PEX7: variants seen among roughly 807,000 people sequenced by gnomAD.
The protein encoded by PEX7 is PTS2 receptor.
Under a neutral mutation model 47.5 loss-of-function variants are expected in PEX7, and 34 were observed. That is an observed-to-expected ratio of 0.72 (90% CI 0.54 to 0.95). PEX7 has a LOEUF of 0.95. Among genes scored for constraint, PEX7 ranks in the 40% least tolerant of loss-of-function variants. PEX7 has a pLI of 0.00. For missense variants in PEX7, 394 were observed against 400.3 expected (o/e 0.98, Z 0.13); for synonymous variants, 141 against 148.8 (o/e 0.95, Z 0.38).
Position 136,900,466 on chromosome 6 carries a change from C to T in PEX7, c.903+2225C>T, listed in dbSNP as rs958012101. On this transcript the variant is annotated intron_variant, in intron 9 of 9. Transcript: ENST00000318471. This position sits in a 1 kb window ranked among gnomAD's most constrained non-coding sequence, Gnocchi z 4.2. ...AGACTTGGGACCAAGGACATTGCCC[C>T]CCCAGTGACAGCAGATCTCATCGTG... 4.3e-6 allele frequency: 2 copies of T among 461,026 alleles called. No individual in the cohort carries two copies. The highest frequency in any genetic ancestry group is 8.6e-6 in the Non-Finnish European group (2 of 232,040). The allele number at this position is 461,026 out of a possible 1,614,324, so 28.6% of individuals were successfully genotyped here. A position where few individuals can be genotyped will look rare whatever the true frequency, so the allele number is the denominator to read the frequency against.
intron 9 of PEX7, among the ~76,000 whole-genome samples, chr6:136,912,710 A>G (rs1430096173): frequency 6.6e-6 from 1 of 152,212 alleles, no homozygotes; most frequent in East Asian, 1.9e-4. Context: ...GCATTTCCAC[A>G]TAAATTTTAA....
chr6:136,897,177 A>G (rs994129434), intron 8 of PEX7, among the ~76,000 whole-genome samples: 4 of 152,228 alleles, frequency 2.6e-5, no homozygotes, highest in Non-Finnish European at 5.9e-5. Context: ...TAGGGAAATA[A>G]TACCACCAGG....
chr6:136,886,642 T>C (rs1434487274), intron 8 of PEX7, among the ~76,000 whole-genome samples: 1 of 152,116 alleles, frequency 6.6e-6, no homozygotes, highest in Non-Finnish European at 1.5e-5. Context: ...TGAATAGGAA[T>C]TTTCATTGCA....
At chr6:136,913,316 C>T (rs540778557) in intron 9 of PEX7, 142 bp from the exon 10 acceptor site, 10 of 674,430 alleles carry the variant, frequency 1.5e-5, no homozygotes, top group East Asian at 2.6e-5. Flanking sequence ...TTATCAAAAA[C>T]GTAGCCCTAT....
intron 6 of PEX7, among the ~76,000 whole-genome samples, chr6:136,869,300 G>A (rs1048419067): frequency 1.1e-4 from 16 of 151,928 alleles, no homozygotes; most frequent in African/African-American, 3.6e-4. Context: ...GAGGTACAGT[G>A]GGGTGATCAT....
chr6:136,878,976 T>G (rs1775327342), intron 8 of PEX7, among the ~76,000 whole-genome samples: 1 of 152,258 alleles, frequency 6.6e-6, no homozygotes, highest in South Asian at 2.1e-4. Context: ...CTGAAAAAAA[T>G]TAACCGTTTA....
intron 1 of PEX7, chr6:136,822,997 C>T (rs1774111129): frequency 1.0e-6 from 1 of 985,362 alleles, no homozygotes; most frequent in African/African-American, 1.7e-5. Context: ...AGGAGTCGAT[C>T]TTCCAGTTGT....
chr6:136,863,523 G>A (rs533138656), intron 5 of PEX7, among the ~76,000 whole-genome samples: 1 of 152,176 alleles, frequency 6.6e-6, no homozygotes, highest in East Asian at 1.9e-4. Context: ...AAAGGGCTGT[G>A]GACCAAATTC....
At chr6:136,912,523 G>A (rs906025981) in intron 9 of PEX7, among the ~76,000 whole-genome samples, 19 of 152,002 alleles carry the variant, frequency 1.2e-4, no homozygotes, top group African/African-American at 3.6e-4. Context: ...TTTGTTGAAA[G>A]CCATTTGTCC....
intron 8 of PEX7, among the ~76,000 whole-genome samples, chr6:136,892,164 G>A (rs992459940): frequency 6.6e-6 from 1 of 152,164 alleles, no homozygotes; most frequent in African/African-American, 2.4e-5. Flanking sequence ...TGCCATGGTA[G>A]TTCAGATGTA....
intron 1 of PEX7, among the ~76,000 whole-genome samples, chr6:136,824,881 T>A (rs1774159005): frequency 6.6e-6 from 1 of 152,262 alleles, no homozygotes; most frequent in Non-Finnish European, 1.5e-5. Flanking sequence ...TTTGTGTCTC[T>A]GGTGCCTTGT....
chr6:136,873,665 C>A (rs1775218631), intron 8 of PEX7, among the ~76,000 whole-genome samples: 1 of 152,112 alleles, frequency 6.6e-6, no homozygotes, highest in African/African-American at 2.4e-5. Flanking sequence ...TAATACAGTG[C>A]TAAATAGTTT....
intron 6 of PEX7, among the ~76,000 whole-genome samples, chr6:136,868,291 T>C (rs1270807171): frequency 1.3e-5 from 2 of 152,242 alleles, no homozygotes. Flanking sequence ...CATGACTGTA[T>C]TTATGTCCCT....
rs569616432 is a variant in PEX7 at position 136,888,551 on chromosome 6, G to A, written c.804-9591G>A. On this transcript the variant is annotated intron_variant, in intron 8 of 9. Coordinates refer to ENST00000318471, the MANE Select transcript of PEX7 (RefSeq NM_000288.4). ...TCATCTTTGGTTTCCTTTTAAGAAC[G>A]GGAATATTTGCATTCCCCGATTTGT... is the stretch of plus-strand genomic sequence containing the variant. 2.4e-3 allele frequency among the ~76,000 whole-genome samples: 364 copies of A among 152,128 alleles called. 8 individuals carry two copies. Among genetic ancestry groups the A allele is most frequent in the Non-Finnish European group, 2.0e-3 (139 of 67,960 alleles).
chr6:136,829,273 T>C (rs774384612), intron 3 of PEX7, among the ~76,000 whole-genome samples: 62 of 152,338 alleles, frequency 4.1e-4, no homozygotes, highest in Non-Finnish European at 7.8e-4. Context: ...TATTTCTTAC[T>C]ATTCTGGAGG....
intron 5 of PEX7, among the ~76,000 whole-genome samples, chr6:136,852,915 A>G (rs573772546): frequency 8.4e-6 from 1 of 118,806 alleles, no homozygotes; most frequent in Non-Finnish European, 1.7e-5. Context: ...AAACTATACT[A>G]CAAGGCTACA....
intron 9 of PEX7, among the ~76,000 whole-genome samples, chr6:136,906,682 G>A (rs926424250): frequency 1.8e-4 from 27 of 152,108 alleles, no homozygotes; most frequent in African/African-American, 5.1e-4. Flanking sequence ...CTTTTTTAAG[G>A]CATTTGTCAT....
chr6:136,866,883 C>A, intron 6 of PEX7, 150 bp downstream of exon 6: 2 of 714,948 alleles, frequency 2.8e-6, no homozygotes. Context: ...ATGATTGTGA[C>A]TGACCTGCAT....
At chr6:136,883,461 C>A (rs1226981781) in intron 8 of PEX7, among the ~76,000 whole-genome samples, 1 of 152,200 alleles carries the variant, frequency 6.6e-6, no homozygotes, top group Non-Finnish European at 1.5e-5. Context: ...GTCGATCATA[C>A]CTTCCCTTCT....
Sources: allele counts gnomAD v4.1 joint callset (sites outside exome capture counted in the v4.1 genomes callset), GRCh38; gene constraint gnomAD v4.1.1; non-coding constraint Gnocchi (gnomAD v3.1); transcripts MANE v1.5; gene names NCBI Gene and HGNC (gene_info 2026-07-23, HGNC 2026-07-21).